Variants in ELMO1 observed in about 807,000 individuals in gnomAD.
ELMO1 encodes engulfment and cell motility protein 1.
A neutral mutation model predicts 98.9 loss-of-function variants in ELMO1; 26 were observed. The observed-to-expected ratio is 0.26, with a 90% CI of 0.19 to 0.36. ELMO1 has a LOEUF of 0.36. ELMO1 is among the 10% of genes least tolerant of loss of function. ELMO1 has a pLI of 1.00. For missense variants in ELMO1, 627 were observed against 935.2 expected (o/e 0.67, Z 4.30); for synonymous variants, 346 against 346.0 (o/e 1.00, Z 0.00).
intron 16 of ELMO1, among the ~76,000 whole-genome samples, chr7:36,981,283 T>C (rs1186235115): frequency 6.6e-6 from 1 of 151,602 alleles, no homozygotes; most frequent in Non-Finnish European, 1.5e-5. Flanking sequence ...TAAGACTAGA[T>C]GCCTCTAGGA....
At chr7:37,262,160 C>A (rs1253999288) in intron 5 of ELMO1, among the ~76,000 whole-genome samples, 1 of 152,048 alleles carries the variant, frequency 6.6e-6, no homozygotes, top group Non-Finnish European at 1.5e-5. Flanking sequence ...TACTTACCTA[C>A]TTAAAAGTAA....
At chr7:37,292,875 G>A (rs1797805560) in intron 4 of ELMO1, among the ~76,000 whole-genome samples, 1 of 105,296 alleles carries the variant, frequency 9.5e-6, no homozygotes, top group African/African-American at 3.4e-5. Flanking sequence ...GGGAAGTGAG[G>A]AGCCCCTCTG....
At position 36,855,482 on chromosome 7, in the gene ELMO1, G is replaced by C; in HGVS notation, c.*69C>G. ...AAGGACGGTTCCAAGGCGTGGGTGT[G>C]TTTTCATTCCTCTCTCCTGTTAGCT... is the stretch of plus-strand genomic sequence containing the variant. On this transcript the variant is annotated 3_prime_UTR_variant, in exon 22 of 22. Coordinates refer to ENST00000310758, the MANE Select transcript of ELMO1 (RefSeq NM_014800.11). This position sits in a 1 kb window ranked among gnomAD's most constrained non-coding sequence, Gnocchi z 4.2. 6.3e-7 allele frequency: 1 copy of C among 1,596,286 alleles called. No homozygotes were observed. The highest frequency in any genetic ancestry group is 8.6e-7 in the Non-Finnish European group (1 of 1,166,330).
chr7:37,080,436 CTTT>C (rs1192675212), intron 15 of ELMO1, among the ~76,000 whole-genome samples: 2 of 136,528 alleles, frequency 1.5e-5, no homozygotes, highest in Non-Finnish European at 3.2e-5. Flanking sequence ...CACCATCCCA[CTTT>C]TTTTTTTTTT....
In ELMO1 at chr7:37,318,810, T is replaced by C. The variant is rs182126012; in HGVS notation, c.79-2850A>G. ...TTAGCCCTCACCACCCAAAAACTAA[T>C]TCCAATAACCTTTTCACCGGTCTTA... On this transcript the variant is annotated intron_variant, in intron 2 of 21. Transcript: ENST00000310758. Among the ~76,000 whole-genome samples the C allele has an allele frequency of 6.0e-4, 92 of 152,280 alleles. 1 individual carries two copies. The highest frequency in any genetic ancestry group is 2.1e-3 in the African/African-American group (89 of 41,546).
intron 2 of ELMO1, among the ~76,000 whole-genome samples, chr7:37,319,682 C>T (rs7792871): frequency 0.58 from 88,517 of 152,072 alleles, 26,781 homozygotes; most frequent in East Asian, 0.86. Context: ...ACATTTCTAG[C>T]GAACTTGTCC....
At position 37,067,757 on chromosome 7, in the gene ELMO1, A is replaced by AC. The variant is rs554453237; in HGVS notation, c.1300+28861_1300+28862insG. Among the ~76,000 whole-genome samples, 35 of 152,200 alleles carry AC rather than the reference A, an allele frequency of 2.3e-4. No individual in the cohort carries two copies. In the South Asian group the frequency reaches 6.6e-3, roughly 29 times the overall value. ...CTTTCTTTTTTTTTTGAAAAGACAG[A>AC]ATTTTCCTGTTATTAACACCATAAA... is the stretch of plus-strand genomic sequence containing the variant. On this transcript the variant is annotated intron_variant, in intron 15 of 21. Transcript: ENST00000310758.
chr7:37,277,271 C>T (rs1796891997), intron 4 of ELMO1, among the ~76,000 whole-genome samples: 2 of 152,186 alleles, frequency 1.3e-5, no homozygotes, highest in South Asian at 4.1e-4. Flanking sequence ...TGCATCAGCA[C>T]ATAGGTGTGA....
chr7:37,282,268 T>C (rs1475704631), intron 4 of ELMO1, among the ~76,000 whole-genome samples: 2 of 152,214 alleles, frequency 1.3e-5, no homozygotes, highest in African/African-American at 4.8e-5. Context: ...AGCTCCAGCA[T>C]CTTCCCTGGC....
intron 1 of ELMO1, among the ~76,000 whole-genome samples, chr7:37,417,387 C>T (rs1030206698): frequency 5.3e-5 from 8 of 152,076 alleles, no homozygotes; most frequent in Non-Finnish European, 1.0e-4. Context: ...ATTGGCCAGG[C>T]GCGGTGTCTT....
intron 14 of ELMO1, among the ~76,000 whole-genome samples, chr7:37,113,883 C>T (rs1445438309): frequency 6.6e-6 from 1 of 152,280 alleles, no homozygotes; most frequent in East Asian, 1.9e-4. Context: ...AAAAGGGAGG[C>T]CTCAGAGACA....
At chr7:37,278,933 G>A (rs1236780746) in intron 4 of ELMO1, among the ~76,000 whole-genome samples, 1 of 152,098 alleles carries the variant, frequency 6.6e-6, no homozygotes, top group African/African-American at 2.4e-5. Context: ...CAGGCGCGGT[G>A]GCTCACGCCT....
At chr7:37,276,278 AAGAG>A (rs899745442) in intron 4 of ELMO1, among the ~76,000 whole-genome samples, 1 of 152,148 alleles carries the variant, frequency 6.6e-6, no homozygotes, top group Non-Finnish European at 1.5e-5. Context: ...AAGAGAGAGA[AAGAG>A]AGAGAGAGTT....
chr7:37,216,498 C>T (rs1175395662), intron 11 of ELMO1, 147 bp downstream of exon 11: 22 of 933,660 alleles, frequency 2.4e-5, no homozygotes, highest in Non-Finnish European at 3.6e-5. Flanking sequence ...ATTCCAAAAA[C>T]TCACTTTTTC....
intron 15 of ELMO1, among the ~76,000 whole-genome samples, chr7:37,039,944 C>T (rs1036864436): frequency 6.6e-6 from 1 of 152,116 alleles, no homozygotes; most frequent in African/African-American, 2.4e-5. Context: ...GAAAATTCTA[C>T]TGGACAGTAC....
At chr7:36,920,546 C>A (rs1785062992) in intron 16 of ELMO1, among the ~76,000 whole-genome samples, 1 of 152,096 alleles carries the variant, frequency 6.6e-6, no homozygotes, top group Non-Finnish European at 1.5e-5. Flanking sequence ...ATTTACATAT[C>A]CACATAATGA....
At chr7:37,295,542 C>T (rs1400646457) in intron 4 of ELMO1, among the ~76,000 whole-genome samples, 2 of 152,208 alleles carry the variant, frequency 1.3e-5, no homozygotes, top group Non-Finnish European at 2.9e-5. Context: ...GATAAACATA[C>T]ACTTTGAAAC....
chr7:37,061,804 C>T (rs1172857669), intron 15 of ELMO1, among the ~76,000 whole-genome samples: 3 of 152,092 alleles, frequency 2.0e-5, no homozygotes, highest in South Asian at 4.1e-4. Flanking sequence ...TCTATGACTC[C>T]GATATTTAGA....
At chr7:37,408,506 T>C (rs1803867954) in intron 1 of ELMO1, among the ~76,000 whole-genome samples, 1 of 152,124 alleles carries the variant, frequency 6.6e-6, no homozygotes, top group Non-Finnish European at 1.5e-5. Flanking sequence ...GGAGAAGCAG[T>C]CTAAATATTC....
Sources: allele counts gnomAD v4.1 joint callset (sites outside exome capture counted in the v4.1 genomes callset), GRCh38; gene constraint gnomAD v4.1.1; non-coding constraint Gnocchi (gnomAD v3.1); transcripts MANE v1.5; gene names NCBI Gene and HGNC (gene_info 2026-07-23, HGNC 2026-07-21).